The following EPHA6 variants were observed in gnomAD, a reference collection of about 807,000 sequenced individuals.
EPHA6 encodes the protein EPH receptor A6.
Under a neutral mutation model 112.0 loss-of-function variants are expected in EPHA6, and 50 were observed. That is an observed-to-expected ratio of 0.45 (90% confidence interval 0.36 to 0.56). The LOEUF is 0.56. Among genes scored for constraint, EPHA6 ranks in the 20% least tolerant of loss-of-function variants. The probability of loss-of-function intolerance (pLI) is 0.00; values close to 1 mark genes in which losing one functional copy is unlikely to be tolerated. For synonymous variants in EPHA6, 529 were observed against 490.7 expected (o/e 1.08, Z -1.03); for missense variants, 1,280 against 1,417.4 (o/e 0.90, Z 1.56).
intron 12 of EPHA6, among the ~76,000 whole-genome samples, chr3:97,595,342 T>C (rs941116057): frequency 3.9e-5 from 6 of 152,158 alleles, no homozygotes; most frequent in Admixed American, 1.3e-4. Flanking sequence ...TAGTCACCGA[T>C]ACAGGAAGAA....
At chr3:97,476,627 A>C (rs2091376583) in intron 8 of EPHA6, among the ~76,000 whole-genome samples, 1 of 150,782 alleles carries the variant, frequency 6.6e-6, no homozygotes, top group East Asian at 1.9e-4. Flanking sequence ...AAAAGTATAG[A>C]ACTTGACAAG....
chr3:97,529,797 G>A (rs1158183098), intron 10 of EPHA6, among the ~76,000 whole-genome samples: 1 of 151,978 alleles, frequency 6.6e-6, no homozygotes, highest in Non-Finnish European at 1.5e-5. Context: ...ACTGAAATAA[G>A]TGTGAAAACA....
chr3:97,372,250 C>G (rs1053901771), intron 5 of EPHA6, among the ~76,000 whole-genome samples: 1 of 152,060 alleles, frequency 6.6e-6, no homozygotes, highest in South Asian at 2.1e-4. Flanking sequence ...CTCTTTTGTA[C>G]CTTTTCCCTT....
At chr3:97,155,703 G>A (rs1206911579) in intron 3 of EPHA6, among the ~76,000 whole-genome samples, 1 of 152,108 alleles carries the variant, frequency 6.6e-6, no homozygotes, top group African/African-American at 2.4e-5. Context: ...CCCTGTGGTT[G>A]TAGGAATGAG....
chr3:97,556,782 A>C (rs1560134574), intron 11 of EPHA6, among the ~76,000 whole-genome samples: 1 of 152,064 alleles, frequency 6.6e-6, no homozygotes, highest in Non-Finnish European at 1.5e-5. Flanking sequence ...AATCTACTAA[A>C]AATCACAGAA....
chr3:97,321,249 T>C (rs563864383), intron 5 of EPHA6, among the ~76,000 whole-genome samples: 86 of 152,126 alleles, frequency 5.7e-4, no homozygotes, highest in African/African-American at 2.1e-3. Flanking sequence ...TTGCTCTTTT[T>C]TCCCCCAAAA....
At chr3:97,327,056 T>C (rs1204551342) in intron 5 of EPHA6, among the ~76,000 whole-genome samples, 1 of 152,024 alleles carries the variant, frequency 6.6e-6, no homozygotes, top group Non-Finnish European at 1.5e-5. Context: ...CACAAGTCTG[T>C]TTTATGAGGG....
chr3:97,518,035 A>T (rs2092474628), intron 10 of EPHA6, among the ~76,000 whole-genome samples: 1 of 152,188 alleles, frequency 6.6e-6, no homozygotes, highest in South Asian at 2.1e-4. Flanking sequence ...GGCTATTGTG[A>T]ATAATGCTAC....
intron 3 of EPHA6, among the ~76,000 whole-genome samples, chr3:97,152,383 TTGA>T (rs2076190053): frequency 6.6e-6 from 1 of 150,746 alleles, no homozygotes; most frequent in South Asian, 2.1e-4. Flanking sequence ...TGTGAAAAAG[TTGA>T]TGACAGTAAA....
At chr3:97,267,858 T>G (rs2079738553) in intron 5 of EPHA6, among the ~76,000 whole-genome samples, 1 of 152,150 alleles carries the variant, frequency 6.6e-6, no homozygotes. Flanking sequence ...GAATTATGAC[T>G]GAAAATGCAT....
rs147797298 is a variant in EPHA6, at chr3:96,857,551, C to T, written c.386-9274C>T. ...ACTGTGACATTTCCTCAGTAGTTTCCAGTAGGAATTTGTCCTACATAATTC... is the reference window on the plus strand; with the variant it reads ...ACTGTGACATTTCCTCAGTAGTTTCTAGTAGGAATTTGTCCTACATAATTC... On this transcript the variant is annotated intron_variant, in intron 1 of 17. Coordinates refer to ENST00000389672, the MANE Select transcript of EPHA6 (RefSeq NM_001080448.3). Among the ~76,000 whole-genome samples the T allele has an allele frequency of 6.4e-3, 968 of 152,232 alleles. 6 individuals carry two copies. Among genetic ancestry groups the T allele is most frequent in the African/African-American group, 0.021 (878 of 41,566 alleles).
chr3:97,551,682 T>C (rs1309214257), intron 11 of EPHA6, among the ~76,000 whole-genome samples: 2 of 152,190 alleles, frequency 1.3e-5, no homozygotes, highest in African/African-American at 4.8e-5. Flanking sequence ...ACTTTGTCAC[T>C]ATTTTATATA....
chr3:96,946,509 CT>C (rs2041268062), intron 2 of EPHA6, among the ~76,000 whole-genome samples: 2 of 152,038 alleles, frequency 1.3e-5, no homozygotes, highest in Non-Finnish European at 2.9e-5. Context: ...TGAACTCATC[CT>C]TTTTTATGGC....
At chr3:97,736,196 G>C in intron 16 of EPHA6, 78 bp downstream of exon 16, 1 of 1,218,250 alleles carries the variant, frequency 8.2e-7, no homozygotes, top group Non-Finnish European at 1.1e-6. Context: ...ATAACAGGTA[G>C]AAAGGAAAAA....
At chr3:96,821,979 G>T (rs1373474599) in intron 1 of EPHA6, among the ~76,000 whole-genome samples, 1 of 151,698 alleles carries the variant, frequency 6.6e-6, no homozygotes, top group Non-Finnish European at 1.5e-5. Flanking sequence ...ATAAGATGAA[G>T]AATTTTACAG....
chr3:96,895,590 G>T (rs1438255774), intron 2 of EPHA6, among the ~76,000 whole-genome samples: 1 of 152,190 alleles, frequency 6.6e-6, no homozygotes. Context: ...GCAACTTGCA[G>T]CTCTGCAAGC....
At chr3:97,668,935 A>AAAAAAAAAAAAG (rs2030469435) in intron 14 of EPHA6, among the ~76,000 whole-genome samples, 1 of 149,836 alleles carries the variant, frequency 6.7e-6, no homozygotes, top group African/African-American at 2.5e-5. Context: ...AAAAAAAAAA[A>AAAAAAAAAAAAG]AAAAAAAAAT....
At chr3:96,903,763 A>G (rs1035986777) in intron 2 of EPHA6, among the ~76,000 whole-genome samples, 2 of 152,186 alleles carry the variant, frequency 1.3e-5, no homozygotes, top group Admixed American at 1.3e-4. Flanking sequence ...ATTTACAAGA[A>G]AAAACAAACA....
intron 17 of EPHA6, 149 bp from the exon 18 acceptor site, chr3:97,748,438 G>T (rs1416495722): frequency 3.5e-6 from 2 of 571,258 alleles, no homozygotes; most frequent in East Asian, 2.8e-5. Flanking sequence ...TTTGGTAACT[G>T]TGGCAGAGTG....
Sources: allele counts gnomAD v4.1 joint callset (sites outside exome capture counted in the v4.1 genomes callset), GRCh38; gene constraint gnomAD v4.1.1; transcripts MANE v1.5; gene names NCBI Gene and HGNC (gene_info 2026-07-23, HGNC 2026-07-21).